The following RAG1 variants were observed in gnomAD, a reference collection of about 807,000 sequenced individuals.
RAG1 encodes the protein recombination activating 1.
Under a neutral mutation model 62.7 loss-of-function variants are expected in RAG1, and 35 were observed. That is an observed-to-expected ratio of 0.56 (90% CI 0.43 to 0.74). The LOEUF (loss-of-function observed/expected upper bound fraction) is 0.74, where lower values mean the gene tolerates loss of function less well. Ranked by LOEUF, RAG1 falls within the 30% of genes least tolerant of loss-of-function variation. RAG1 has a pLI of 0.00. For synonymous variants in RAG1, 461 were observed against 470.3 expected (o/e 0.98, Z 0.26); for missense variants, 1,169 against 1,278.6 (o/e 0.91, Z 1.31).
chr11:36,551,633 T>C (rs1850485935), intron 3 of RAG1, among the ~76,000 whole-genome samples: 1 of 147,122 alleles, frequency 6.8e-6, no homozygotes, highest in Admixed American at 6.8e-5. Context: ...ATACTCTAAG[T>C]TTTAGGGTAC....
chr11:36,529,250 A>G (rs749035574), intron 2 of RAG1, among the ~76,000 whole-genome samples: 2 of 152,220 alleles, frequency 1.3e-5, no homozygotes, highest in African/African-American at 2.4e-5. Flanking sequence ...TCAATAAAAT[A>G]CTGGCAAACC....
intron 1 of RAG1, among the ~76,000 whole-genome samples, chr11:36,518,362 G>A (rs1441617157): frequency 6.6e-6 from 1 of 152,150 alleles, no homozygotes; most frequent in Non-Finnish European, 1.5e-5. Flanking sequence ...ACCCAGTAAT[G>A]GGATGGATGG....
At chr11:36,518,338 T>A (rs1203726388) in intron 1 of RAG1, among the ~76,000 whole-genome samples, 1 of 152,218 alleles carries the variant, frequency 6.6e-6, no homozygotes, top group Non-Finnish European at 1.5e-5. Flanking sequence ...TGATTTATAA[T>A]CCTTTGGGTA....
chr11:36,528,305 A>G (rs1472296110), intron 2 of RAG1, among the ~76,000 whole-genome samples: 1 of 152,198 alleles, frequency 6.6e-6, no homozygotes, highest in Non-Finnish European at 1.5e-5. Flanking sequence ...CTCAGACCAC[A>G]ATGCAATCAA....
At chr11:36,561,642 G>T (rs1850585633) in intron 3 of RAG1, among the ~76,000 whole-genome samples, 1 of 152,158 alleles carries the variant, frequency 6.6e-6, no homozygotes, top group African/African-American at 2.4e-5. Flanking sequence ...ACAAAAAGGA[G>T]GAGGAAGGGT....
chr11:36,569,649 G>C (rs1422361698), intron 1 of RAG1, among the ~76,000 whole-genome samples: 1 of 152,094 alleles, frequency 6.6e-6, no homozygotes, highest in Non-Finnish European at 1.5e-5. Flanking sequence ...CTTTAAAACA[G>C]TTTTATCCAA....
intron 2 of RAG1, among the ~76,000 whole-genome samples, chr11:36,524,681 G>A (rs1341891440): frequency 2.0e-5 from 3 of 151,914 alleles, no homozygotes; most frequent in Admixed American, 2.0e-4. Context: ...TAGAGACAGT[G>A]GGTCTCACTA....
At chr11:36,565,007 C>T (rs987866077), upstream of RAG1, among the ~76,000 whole-genome samples, 3 of 152,132 alleles carry the variant, frequency 2.0e-5, no homozygotes, top group Non-Finnish European at 4.4e-5. Flanking sequence ...TGACATTGAA[C>T]AGGAACACTT....
chr11:36,530,637 T>C (rs1860239851), intron 2 of RAG1, among the ~76,000 whole-genome samples: 1 of 152,010 alleles, frequency 6.6e-6, no homozygotes, highest in Admixed American at 6.6e-5. Context: ...TATTTTTTTC[T>C]AACTTTTTAT....
At chr11:36,513,445 T>C (rs1397946872) in intron 1 of RAG1, among the ~76,000 whole-genome samples, 1 of 152,222 alleles carries the variant, frequency 6.6e-6, no homozygotes, top group Non-Finnish European at 1.5e-5. Flanking sequence ...ACAAGTTGAA[T>C]TATAAAATTA....
chr11:36,574,614 T>C lies in RAG1; in HGVS notation c.1310T>C (p.Leu437Ser). The C allele has an allele frequency of 6.2e-7, 1 of 1,614,232 alleles. No individual in the cohort carries two copies. The highest frequency in any genetic ancestry group is 8.5e-7 in the Non-Finnish European group (1 of 1,180,034). ...GGDVKSVCMT[L>S]FLLALRARNE... ...GATGTGAAGTCCGTGTGCATGACCT[T>C]GTTCCTGCTGGCTCTGAGGGCGAGG... The change falls in exon 2 of 2, where the codon TTG becomes TCG. Residue 437 changes from leucine to serine, a missense_variant. Physicochemically the swap from Leu to Ser is moderately radical, Grantham distance 145. Coordinates refer to ENST00000299440, the MANE Select transcript of RAG1 (RefSeq NM_000448.3).
intron 3 of RAG1, among the ~76,000 whole-genome samples, chr11:36,543,267 C>T (rs1472249937): frequency 2.0e-5 from 3 of 152,210 alleles, no homozygotes; most frequent in Non-Finnish European, 4.4e-5. Flanking sequence ...TCCTCCTTCT[C>T]TTTGGAAGTG....
intron 2 of RAG1, among the ~76,000 whole-genome samples, chr11:36,533,794 G>A (rs1214226348): frequency 6.6e-6 from 1 of 151,998 alleles, no homozygotes; most frequent in Admixed American, 6.5e-5. Flanking sequence ...ATTGAGATAA[G>A]CATCCTTCAC....
chr11:36,565,560 G>A (rs559962129), upstream of RAG1, among the ~76,000 whole-genome samples: 9 of 152,268 alleles, frequency 5.9e-5, no homozygotes, highest in East Asian at 1.3e-3. Context: ...CACCCTTTTC[G>A]TTCTTTGTCT....
At chr11:36,545,679 C>T (rs1365157917) in intron 3 of RAG1, among the ~76,000 whole-genome samples, 2 of 152,106 alleles carry the variant, frequency 1.3e-5, no homozygotes, top group Admixed American at 1.3e-4. Flanking sequence ...AGCTTCTGTT[C>T]TTCTATTGGC....
In RAG1 at chr11:36,578,353, T is replaced by C. The variant is rs1390520113; in HGVS notation, c.*1917T>C. ...TCAAAAACATATACATATTTTAACA[T>C]TAGTTTTTTTGAAAACTCTTGGTTT... On this transcript the variant is annotated 3_prime_UTR_variant, in exon 2 of 2. Transcript: ENST00000299440. 1.2e-5 allele frequency: 2 copies of C among 166,760 alleles called. No homozygotes were observed. Among genetic ancestry groups the C allele is most frequent in the African/African-American group, 2.4e-5 (1 of 41,468 alleles). The allele number at this position is 166,760 out of a possible 1,614,324, so 10.3% of individuals were successfully genotyped here.
intron 3 of RAG1, among the ~76,000 whole-genome samples, chr11:36,561,720 G>C (rs1002985617): frequency 6.6e-6 from 1 of 152,126 alleles, no homozygotes; most frequent in Non-Finnish European, 1.5e-5. Context: ...CCTAGCCTTG[G>C]ACTAAGACTT....
At chr11:36,572,066 T>G (rs1163095625) in intron 1 of RAG1, among the ~76,000 whole-genome samples, 2 of 152,188 alleles carry the variant, frequency 1.3e-5, no homozygotes, top group African/African-American at 4.8e-5. Context: ...CAAAGTATGT[T>G]CATCTGAGAA....
chr11:36,535,849 TC>T, intron 2 of RAG1: 1 of 152,252 alleles, frequency 6.6e-6, no homozygotes, highest in Admixed American at 6.5e-5. Context: ...CCATTTATAG[TC>T]TTTTTTTTGT....
Sources: gnomAD v4.1 joint callset for allele counts (sites outside exome capture counted in the v4.1 genomes callset) on GRCh38, gnomAD v4.1.1 for gene constraint, MANE v1.5 for transcripts, NCBI Gene and HGNC (gene_info 2026-07-23, HGNC 2026-07-21) for gene names.